DCDC1: variants seen among roughly 807,000 people sequenced by gnomAD.
The protein encoded by DCDC1 is doublecortin domain-containing protein 1.
A neutral mutation model predicts 178.3 loss-of-function variants in DCDC1; 200 were observed. The ratio of observed to expected loss-of-function variants is 1.12; its 90% confidence interval spans 1.00 to 1.26. The LOEUF (loss-of-function observed/expected upper bound fraction) is 1.26, where lower values mean the gene tolerates loss of function less well. Among genes scored for constraint, DCDC1 ranks in the 50% most tolerant of loss-of-function variants. The pLI, the probability that DCDC1 is intolerant of heterozygous loss-of-function variation, is 0.00. For missense variants in DCDC1, 1,983 were observed against 1,749.2 expected (o/e 1.13, Z -2.38); for synonymous variants, 690 against 604.8 (o/e 1.14, Z -2.07).
chr11:31,007,136 T>A (rs1951890640), intron 20 of DCDC1, among the ~76,000 whole-genome samples: 1 of 152,190 alleles, frequency 6.6e-6, no homozygotes, highest in Admixed American at 6.5e-5. Context: ...AAGGTTGTAG[T>A]CATCCTGTTT....
chr11:31,308,017 C>T (rs2137615647), intron 3 of DCDC1, 109 bp from the exon 4 acceptor site: 5 of 1,395,456 alleles, frequency 3.6e-6, no homozygotes, highest in South Asian at 2.8e-5. Flanking sequence ...AAATACTACA[C>T]ACTTAGCCAT....
At chr11:31,223,229 T>C (rs1393585460) in intron 9 of DCDC1, among the ~76,000 whole-genome samples, 1 of 152,158 alleles carries the variant, frequency 6.6e-6, no homozygotes, top group African/African-American at 2.4e-5. Flanking sequence ...GGAGAATGGT[T>C]ATTATGTACA....
chr11:30,909,119 G>A lies in DCDC1; in HGVS notation c.3748-3C>T. ...CCATTGTTGTACGGCTTATATTTCTGAAAAAAGAGGCAAAATATGGAGTCA... is the reference window on the plus strand; with the variant it reads ...CCATTGTTGTACGGCTTATATTTCTAAAAAAAGAGGCAAAATATGGAGTCA... On this transcript the variant is annotated splice_polypyrimidine_tract_variant and splice_region_variant and intron_variant, in intron 28 of 38. Coordinates refer to ENST00000684477, the MANE Select transcript of DCDC1 (RefSeq NM_001387274.1). 1 of 1,596,068 alleles carries A rather than the reference G, an allele frequency of 6.3e-7. No homozygotes were observed. Among genetic ancestry groups the A allele is most frequent in the African/African-American group, 1.3e-5 (1 of 74,264 alleles).
intron 8 of DCDC1, among the ~76,000 whole-genome samples, chr11:31,246,213 G>A (rs1023636489): frequency 6.6e-6 from 1 of 151,922 alleles, no homozygotes; most frequent in African/African-American, 2.4e-5. Context: ...AAAAAATTAA[G>A]TCACGCCAAT....
rs376423603 is a variant in DCDC1 at position 30,914,311 on chromosome 11, A to G, written c.3653+1200T>C. 2.0e-5 allele frequency among the ~76,000 whole-genome samples: 3 copies of G among 152,266 alleles called. No individual in the cohort carries two copies. The East Asian group carries it at 5.8e-4, about 29-fold the overall frequency. On this transcript the variant is annotated intron_variant, in intron 27 of 38. Transcript: ENST00000684477. ...GGAGGCTTTGCTCATCTCAGTGAGC[A>G]GAGTAAGACCAGCTCCTCTCCTGCC...
intron 20 of DCDC1, among the ~76,000 whole-genome samples, chr11:30,989,736 T>C (rs898959094): frequency 6.6e-6 from 1 of 152,166 alleles, no homozygotes; most frequent in African/African-American, 2.4e-5. Flanking sequence ...ATATATAATA[T>C]TGTGCATTCA....
chr11:31,015,174 T>G (rs1372531141), intron 20 of DCDC1, among the ~76,000 whole-genome samples: 1 of 152,066 alleles, frequency 6.6e-6, no homozygotes, highest in African/African-American at 2.4e-5. Context: ...GGTCTCGATC[T>G]CCTGACCTCG....
At chr11:30,883,225 G>A (rs1942845219) in intron 36 of DCDC1, 1 of 162,766 alleles carries the variant, frequency 6.1e-6, no homozygotes, top group South Asian at 1.5e-4. Context: ...TGAATGACAA[G>A]AGGAGAGAAG....
intron 8 of DCDC1, among the ~76,000 whole-genome samples, chr11:31,254,872 C>T (rs559373477): frequency 6.6e-6 from 1 of 152,256 alleles, no homozygotes; most frequent in African/African-American, 2.4e-5. Context: ...AATGTGCAAC[C>T]ACCACCTCTA....
chr11:31,121,990 A>C (rs1960883265), intron 11 of DCDC1, among the ~76,000 whole-genome samples: 1 of 152,160 alleles, frequency 6.6e-6, no homozygotes, highest in Non-Finnish European at 1.5e-5. Context: ...AGGTGGGATA[A>C]AGTTGTTCAT....
chr11:31,173,078 C>T (rs1370631351), intron 9 of DCDC1, among the ~76,000 whole-genome samples: 1 of 152,104 alleles, frequency 6.6e-6, no homozygotes, highest in Non-Finnish European at 1.5e-5. Context: ...CAGATGACCT[C>T]GAGGATTATG....
At chr11:30,878,490 G>T in intron 38 of DCDC1, 54 bp downstream of exon 38, 1 of 1,373,366 alleles carries the variant, frequency 7.3e-7, no homozygotes, top group Non-Finnish European at 9.6e-7. Flanking sequence ...GAAAATAAAA[G>T]AGATAAATAA....
chr11:30,894,362 C>T lies in DCDC1; in HGVS notation c.4788G>A (p.Gln1596=). The T allele has an allele frequency of 5.0e-6, 8 of 1,613,796 alleles. No homozygotes were observed. Among genetic ancestry groups the T allele is most frequent in the Non-Finnish European group, 5.9e-6 (7 of 1,179,768 alleles). The change falls in exon 35 of 39, where the codon CAG becomes CAA. Residue 1596 remains glutamine, a synonymous_variant. Coordinates refer to ENST00000684477, the MANE Select transcript of DCDC1 (RefSeq NM_001387274.1). ...QLKGRRVAAC[Q]PATMVPTKSP... Reference sequence around the variant, plus strand: ...TCTTGGTAGGAACCATGGTGGCTGGCTGACATGCCGCTACTCGCCGCCCTG... The same window carrying T: ...TCTTGGTAGGAACCATGGTGGCTGGTTGACATGCCGCTACTCGCCGCCCTG...
chr11:31,204,295 TATTCA>T (rs1446654845), intron 9 of DCDC1, among the ~76,000 whole-genome samples: 1 of 152,104 alleles, frequency 6.6e-6, no homozygotes, highest in Admixed American at 6.6e-5. Context: ...TTAATTTAAG[TATTCA>T]ATTCAAGAGG....
At chr11:30,975,843 C>A (rs1014564528) in intron 20 of DCDC1, among the ~76,000 whole-genome samples, 1 of 151,532 alleles carries the variant, frequency 6.6e-6, no homozygotes, top group African/African-American at 2.4e-5. Context: ...TCATTTTTTA[C>A]AGAAATAGAA....
intron 1 of DCDC1, among the ~76,000 whole-genome samples, chr11:31,336,517 AAT>A (rs1451008206): frequency 6.6e-6 from 1 of 152,230 alleles, no homozygotes; most frequent in African/African-American, 2.4e-5. Flanking sequence ...AGTGTTTAGC[AAT>A]ATGATTTTTT....
chr11:31,171,227 A>G (rs955672838), intron 9 of DCDC1, among the ~76,000 whole-genome samples: 6 of 152,150 alleles, frequency 3.9e-5, no homozygotes, highest in Non-Finnish European at 5.9e-5. Context: ...AGGAGAAGCT[A>G]GACATTTTCT....
intron 33 of DCDC1, 73 bp downstream of exon 33, chr11:30,900,273 T>C: frequency 3.1e-6 from 4 of 1,272,436 alleles, no homozygotes; most frequent in Non-Finnish European, 4.1e-6. Flanking sequence ...TTCATTTTCT[T>C]ATGATGGCAT....
chr11:31,363,397 A>C (rs1951804057), intron 1 of DCDC1, among the ~76,000 whole-genome samples: 1 of 152,210 alleles, frequency 6.6e-6, no homozygotes, highest in African/African-American at 2.4e-5. Context: ...TGCAAGTAAC[A>C]AAGATAACAA....
Sources: gnomAD v4.1 joint callset for allele counts (sites outside exome capture counted in the v4.1 genomes callset) on GRCh38, gnomAD v4.1.1 for gene constraint, MANE v1.5 for transcripts, NCBI Gene and HGNC (gene_info 2026-07-23, HGNC 2026-07-21) for gene names.